The following GPC6 variants were observed in gnomAD, a reference collection of about 807,000 sequenced individuals.
GPC6 encodes glypican 6.
Under a neutral mutation model 55.2 loss-of-function variants are expected in GPC6, and 14 were observed. That is an observed-to-expected ratio of 0.25 (90% confidence interval 0.17 to 0.40). GPC6 has a LOEUF of 0.40. GPC6 is among the 10% of genes least tolerant of loss of function. The pLI is 1.00. For synonymous variants in GPC6, 278 were observed against 259.6 expected (o/e 1.07, Z -0.68); for missense variants, 641 against 708.5 (o/e 0.90, Z 1.08).
chr13:94,143,522 C>T (rs562979398), intron 4 of GPC6, among the ~76,000 whole-genome samples: 1 of 152,230 alleles, frequency 6.6e-6, no homozygotes, highest in African/African-American at 2.4e-5. Context: ...TGATTATTAA[C>T]TTTGTATTAT....
At chr13:93,323,634 T>C (rs9561309) in intron 1 of GPC6, among the ~76,000 whole-genome samples, 1 of 152,064 alleles carries the variant, frequency 6.6e-6, no homozygotes, top group Non-Finnish European at 1.5e-5. Context: ...ATTATATAAT[T>C]GTTAATTCAG....
chr13:93,866,318 A>G (rs1459447867), intron 3 of GPC6, among the ~76,000 whole-genome samples: 1 of 151,764 alleles, frequency 6.6e-6, no homozygotes, highest in Non-Finnish European at 1.5e-5. Flanking sequence ...ATGAATTGAC[A>G]TGGATGAATC....
chr13:93,328,346 C>A (rs1427073220), intron 1 of GPC6, among the ~76,000 whole-genome samples: 1 of 152,038 alleles, frequency 6.6e-6, no homozygotes, highest in Non-Finnish European at 1.5e-5. Flanking sequence ...ATAGAGGTTA[C>A]CTTGGTTGTT....
At chr13:94,363,645 C>A (rs887199649) in intron 6 of GPC6, among the ~76,000 whole-genome samples, 1 of 152,200 alleles carries the variant, frequency 6.6e-6, no homozygotes, top group Non-Finnish European at 1.5e-5. Context: ...GCCCCCTCTC[C>A]TGACGTGCTT....
chr13:93,975,225 A>C (rs539638794), intron 3 of GPC6, among the ~76,000 whole-genome samples: 1 of 152,200 alleles, frequency 6.6e-6, no homozygotes. Context: ...CTGATACAAA[A>C]ATTTTTTTAA....
At chr13:93,624,047 A>C (rs1879084356) in intron 2 of GPC6, among the ~76,000 whole-genome samples, 1 of 152,064 alleles carries the variant, frequency 6.6e-6, no homozygotes, top group African/African-American at 2.4e-5. Flanking sequence ...GCTTTGTATT[A>C]ATATTATAAG....
At chr13:93,600,949 C>CA (rs1196219049) in intron 2 of GPC6, among the ~76,000 whole-genome samples, 940 of 26,216 alleles carry the variant, frequency 0.036, 16 homozygotes, top group East Asian at 0.083. Flanking sequence ...AATTCCGCCT[C>CA]AAAAAAAAAA....
At chr13:93,449,540 G>T (rs1398784452) in intron 1 of GPC6, among the ~76,000 whole-genome samples, 1 of 152,130 alleles carries the variant, frequency 6.6e-6, no homozygotes, top group Non-Finnish European at 1.5e-5. Flanking sequence ...TTAAAAAAGG[G>T]ACTGTAGGCC....
intron 4 of GPC6, among the ~76,000 whole-genome samples, chr13:94,206,810 G>A (rs181446848): frequency 1.2e-3 from 188 of 152,208 alleles, no homozygotes; most frequent in African/African-American, 4.3e-3. Flanking sequence ...CTGAGATCGC[G>A]CCACTGCATT....
chr13:93,616,349 TCA>T lies in GPC6; in HGVS notation c.319+70931_319+70932del, dbSNP rs373029614. Among the ~76,000 whole-genome samples the T allele has an allele frequency of 6.2e-4, 94 of 152,198 alleles. 2 individuals carry two copies. Among genetic ancestry groups the T allele is most frequent in the Middle Eastern group, 6.8e-3 (2 of 294 alleles). On this transcript the variant is annotated intron_variant, in intron 2 of 8. Coordinates refer to ENST00000377047, the MANE Select transcript of GPC6 (RefSeq NM_005708.5). ...TATTGGAGATGAGAAATTATGAAAT[TCA>T]CAGTCTTTACCATTCAAAGGGAAGT...
chr13:93,852,886 C>T (rs1888455131), intron 3 of GPC6, among the ~76,000 whole-genome samples: 1 of 151,562 alleles, frequency 6.6e-6, no homozygotes, highest in African/African-American at 2.4e-5. Flanking sequence ...GTCTTTTGTG[C>T]TTATTAAAGT....
chr13:93,554,243 G>A (rs1875334153), intron 2 of GPC6, among the ~76,000 whole-genome samples: 1 of 151,918 alleles, frequency 6.6e-6, no homozygotes, highest in African/African-American at 2.4e-5. Context: ...CAATGTCAGC[G>A]GTTGTTACTG....
At chr13:94,181,310 G>A (rs1888985088) in intron 4 of GPC6, among the ~76,000 whole-genome samples, 1 of 152,032 alleles carries the variant, frequency 6.6e-6, no homozygotes. Context: ...TGACACCCCT[G>A]GAGGCCCAGC....
At chr13:93,266,159 G>A (rs1410714493) in intron 1 of GPC6, among the ~76,000 whole-genome samples, 1 of 152,104 alleles carries the variant, frequency 6.6e-6, no homozygotes, top group African/African-American at 2.4e-5. Flanking sequence ...GGAAAAAGTA[G>A]TAATTAGTTA....
chr13:93,452,045 A>G (rs1376718814), intron 1 of GPC6, among the ~76,000 whole-genome samples: 1 of 152,218 alleles, frequency 6.6e-6, no homozygotes, highest in South Asian at 2.1e-4. Context: ...ATCATTAACA[A>G]TACAGCAATA....
intron 2 of GPC6, among the ~76,000 whole-genome samples, chr13:93,597,491 G>T (rs9524142): frequency 1.3e-5 from 2 of 152,094 alleles, no homozygotes; most frequent in Non-Finnish European, 2.9e-5. Flanking sequence ...CTACCTTTGA[G>T]AAGTCAAACA....
intron 1 of GPC6, among the ~76,000 whole-genome samples, chr13:93,278,634 T>C (rs1877844589): frequency 6.6e-6 from 1 of 152,238 alleles, no homozygotes; most frequent in African/African-American, 2.4e-5. Flanking sequence ...AGTTAATTCT[T>C]TTTTAATTAG....
intron 6 of GPC6, among the ~76,000 whole-genome samples, chr13:94,337,876 C>G (rs180676558): frequency 2.0e-4 from 30 of 152,316 alleles, no homozygotes; most frequent in African/African-American, 6.5e-4. Context: ...AACATTCACA[C>G]CCATTTTCCC....
At chr13:94,165,257 TATACATATATATATACAC>T (rs1888321937) in intron 4 of GPC6, among the ~76,000 whole-genome samples, 2 of 146,514 alleles carry the variant, frequency 1.4e-5, no homozygotes, top group South Asian at 4.2e-4. Flanking sequence ...TACATATATG[TATACATATATATATACAC>T]ATATATATAT....
Sources: gnomAD v4.1 joint callset for allele counts (sites outside exome capture counted in the v4.1 genomes callset) on GRCh38, gnomAD v4.1.1 for gene constraint, MANE v1.5 for transcripts, NCBI Gene and HGNC (gene_info 2026-07-23, HGNC 2026-07-21) for gene names.